The following ADAM9 variants were observed in gnomAD, a reference collection of about 807,000 sequenced individuals.
The protein encoded by ADAM9 is ADAM metallopeptidase domain 9, also known as disintegrin and metalloproteinase domain-containing protein 9.
In ADAM9, 54 loss-of-function variants were observed where a neutral mutation model predicts 108.1. That is an observed-to-expected ratio of 0.50 (90% CI 0.40 to 0.63). The LOEUF (loss-of-function observed/expected upper bound fraction) is 0.63, where lower values mean the gene tolerates loss of function less well. ADAM9 is among the 20% of genes least tolerant of loss of function. ADAM9 has a pLI of 0.00. For missense variants in ADAM9, 830 were observed against 997.7 expected, an observed-to-expected ratio of 0.83 and a Z score of 2.26; for synonymous variants, 316 against 336.0, an observed-to-expected ratio of 0.94 and a Z score of 0.65.
chr8:39,059,025 T>C (rs1838213278), intron 14 of ADAM9, among the ~76,000 whole-genome samples: 1 of 152,220 alleles, frequency 6.6e-6, no homozygotes, highest in African/African-American at 2.4e-5. Context: ...TCCACCATGC[T>C]GTCAGCCAGC....
chr8:39,060,011 T>C (rs1838248560), intron 14 of ADAM9, among the ~76,000 whole-genome samples: 1 of 152,190 alleles, frequency 6.6e-6, no homozygotes, highest in African/African-American at 2.4e-5. Context: ...CATTTCATGA[T>C]GGGGTGCTGC....
rs77671122 is a variant in ADAM9 at position 39,082,948 on chromosome 8, G to T, written c.1963-20G>T. 3.8e-6 allele frequency: 6 copies of T among 1,591,612 alleles called. No individual in the cohort carries two copies. In the Admixed American group the frequency reaches 6.7e-5, roughly 18 times the overall value. On this transcript the variant is annotated intron_variant, in intron 17 of 21. Transcript: ENST00000487273. ...GCAACATTCACAATTAACAAAAGTGGTATTTTGATTGTTTTGAAGGTATGT... is the reference window on the plus strand; with the variant it reads ...GCAACATTCACAATTAACAAAAGTGTTATTTTGATTGTTTTGAAGGTATGT...
At chr8:39,046,131 C>T (rs771183426) in intron 12 of ADAM9, among the ~76,000 whole-genome samples, 4 of 151,922 alleles carry the variant, frequency 2.6e-5, no homozygotes, top group Non-Finnish European at 5.9e-5. Context: ...TTATTTGTAT[C>T]ATCTTTTATT....
rs149206367 is a variant in ADAM9 at position 39,094,256 on chromosome 8, G to A, written c.2298+2910G>A. On this transcript the variant is annotated intron_variant, in intron 20 of 21. Coordinates refer to ENST00000487273, the MANE Select transcript of ADAM9 (RefSeq NM_003816.3). ...GATTTGAATATGTTAAACCATCCTC[G>A]CATCCCCAGAATAAATCCCACTTGG... is the stretch of plus-strand genomic sequence containing the variant. Among the ~76,000 whole-genome samples the A allele has an allele frequency of 5.9e-3, 893 of 152,144 alleles. 15 individuals carry two copies. The highest frequency in any genetic ancestry group is 0.02 in the African/African-American group (843 of 41,502).
chr8:39,045,046 GTGTATGTGTGTGTGCATACATACA>G (rs1837598078), intron 12 of ADAM9, among the ~76,000 whole-genome samples: 1 of 55,828 alleles, frequency 1.8e-5, no homozygotes, highest in South Asian at 4.6e-4. Context: ...ACATATGTAT[GTGTATGTGTGTGTGCATACATACA>G]TATGTGTGTG....
chr8:39,025,775 A>C, intron 9 of ADAM9, 28 bp from the exon 10 acceptor site: 5 of 1,605,650 alleles, frequency 3.1e-6, no homozygotes, highest in Non-Finnish European at 4.3e-6. Flanking sequence ...CCCCAAGAAC[A>C]TTTTTTAACT....
intron 14 of ADAM9, among the ~76,000 whole-genome samples, chr8:39,066,082 C>T (rs530724551): frequency 7.2e-5 from 11 of 152,312 alleles, no homozygotes; most frequent in Admixed American, 2.6e-4. Context: ...GACATGAACT[C>T]ATCCTTTTTC....
chr8:39,028,372 A>G (rs1356323612), intron 11 of ADAM9, among the ~76,000 whole-genome samples: 1 of 152,242 alleles, frequency 6.6e-6, no homozygotes, highest in Non-Finnish European at 1.5e-5. Context: ...TCATAAAAAA[A>G]AAATTAGGTA....
chr8:39,017,088 C>A, intron 5 of ADAM9, 131 bp from the exon 6 acceptor site: 2 of 960,048 alleles, frequency 2.1e-6, no homozygotes, highest in South Asian at 1.5e-5. Context: ...GATTCTAAAG[C>A]CTCTATTTTC....
intron 19 of ADAM9, among the ~76,000 whole-genome samples, chr8:39,090,557 T>A (rs919720052): frequency 1.3e-5 from 2 of 152,244 alleles, no homozygotes; most frequent in African/African-American, 2.4e-5. Flanking sequence ...GTTATTTCTC[T>A]GACCTTTTGA....
chr8:39,073,412 C>G (rs965298265), intron 15 of ADAM9, among the ~76,000 whole-genome samples: 4 of 152,116 alleles, frequency 2.6e-5, no homozygotes, highest in Admixed American at 1.3e-4. Context: ...GCAAATTTAT[C>G]ATTAGCAAAT....
intron 15 of ADAM9, among the ~76,000 whole-genome samples, chr8:39,074,140 G>T (rs549543238): frequency 2.2e-4 from 34 of 152,180 alleles, no homozygotes; most frequent in African/African-American, 7.9e-4. Flanking sequence ...GTAAAATCTG[G>T]AAAAGTCTTT....
chr8:39,016,966 T>C (rs1836552049), intron 5 of ADAM9: 1 of 485,598 alleles, frequency 2.1e-6, no homozygotes, highest in South Asian at 2.2e-5. Context: ...TATTTTGTAG[T>C]GCCTTCCATT....
At chr8:39,041,917 A>G in intron 11 of ADAM9, 29 bp from the exon 12 acceptor site, 7 of 1,606,870 alleles carry the variant, frequency 4.4e-6, no homozygotes, top group Non-Finnish European at 5.1e-6. Context: ...TCACTGTGAC[A>G]TAGATCTTTT....
chr8:39,035,016 T>C (rs1837223915), intron 11 of ADAM9, among the ~76,000 whole-genome samples: 1 of 152,244 alleles, frequency 6.6e-6, no homozygotes, highest in Non-Finnish European at 1.5e-5. Context: ...ACATATTGCC[T>C]GTGTACACAG....
rs567007902 is a variant in ADAM9, at chr8:39,090,869, T to C, written c.2211-390T>C. 1.5e-3 allele frequency among the ~76,000 whole-genome samples: 235 copies of C among 152,310 alleles called. 2 individuals carry two copies. The highest frequency in any genetic ancestry group is 2.3e-3 in the Non-Finnish European group (154 of 68,014). On this transcript the variant is annotated intron_variant, in intron 19 of 21. Coordinates refer to ENST00000487273, the MANE Select transcript of ADAM9 (RefSeq NM_003816.3). ...CTTCAGCATGTCTAAAACTTACCTA[T>C]TACCTTTCCAGCCAATCCATTCACT...
intron 12 of ADAM9, among the ~76,000 whole-genome samples, chr8:39,050,994 G>A (rs1837942472): frequency 6.6e-6 from 1 of 152,108 alleles, no homozygotes; most frequent in African/African-American, 2.4e-5. Flanking sequence ...AGAGGGAAAA[G>A]CCAATTTCTT....
At chr8:39,100,549 A>G (rs1203105953) in intron 20 of ADAM9, among the ~76,000 whole-genome samples, 1 of 151,842 alleles carries the variant, frequency 6.6e-6, no homozygotes, top group African/African-American at 2.4e-5. Flanking sequence ...ACCTCACCAC[A>G]TTGTCATTCC....
At chr8:39,016,396 T>C (rs1836527715) in intron 5 of ADAM9, among the ~76,000 whole-genome samples, 1 of 152,216 alleles carries the variant, frequency 6.6e-6, no homozygotes, top group South Asian at 2.1e-4. Flanking sequence ...AGTTTTAATA[T>C]GTAAAGAGGA....
Sources: allele counts gnomAD v4.1 joint callset (sites outside exome capture counted in the v4.1 genomes callset), GRCh38; gene constraint gnomAD v4.1.1; transcripts MANE v1.5; gene names NCBI Gene and HGNC (gene_info 2026-07-23, HGNC 2026-07-21).